AUTS2: variants seen among roughly 807,000 people sequenced by gnomAD.
The protein encoded by AUTS2 is autism susceptibility gene 2 protein.
In AUTS2, 17 loss-of-function variants were observed where a neutral mutation model predicts 112.4. That is an observed-to-expected ratio of 0.15 (90% CI 0.10 to 0.23). The LOEUF is 0.23. AUTS2 is among the 10% of genes least tolerant of loss of function. The pLI, the probability that AUTS2 is intolerant of heterozygous loss-of-function variation, is 1.00. For synonymous variants in AUTS2, 751 were observed against 702.7 expected (o/e 1.07, Z -1.09); for missense variants, 1,510 against 1,701.6 (o/e 0.89, Z 1.98).
chr7:70,774,191 C>A, intron 12 of AUTS2, 92 bp downstream of exon 12: 1 of 1,178,146 alleles, frequency 8.5e-7, no homozygotes. Context: ...TTCCTTAGCT[C>A]CTTTGAGCGA....
At chr7:70,486,303 A>C (rs1350332405) in intron 5 of AUTS2, among the ~76,000 whole-genome samples, 3 of 152,200 alleles carry the variant, frequency 2.0e-5, no homozygotes, top group Admixed American at 6.5e-5. Context: ...GGAAGTTATC[A>C]AACCTTGCTG....
intron 1 of AUTS2, among the ~76,000 whole-genome samples, chr7:69,633,876 T>C (rs1409510786): frequency 1.3e-5 from 2 of 152,170 alleles, no homozygotes; most frequent in Non-Finnish European, 1.5e-5. Flanking sequence ...TTTGCAAATA[T>C]TGTCTTCCAA....
At chr7:70,759,313 C>T (rs1293355093) in intron 6 of AUTS2, among the ~76,000 whole-genome samples, 1 of 152,132 alleles carries the variant, frequency 6.6e-6, no homozygotes, top group African/African-American at 2.4e-5. Flanking sequence ...CTTCTCTGGG[C>T]ATATTCCCTA....
At chr7:70,451,486 C>T (rs1796528440) in intron 5 of AUTS2, among the ~76,000 whole-genome samples, 2 of 151,794 alleles carry the variant, frequency 1.3e-5, no homozygotes, top group African/African-American at 4.8e-5. Flanking sequence ...GCAAAATACA[C>T]ATAACATAAA....
At chr7:70,415,657 G>T (rs999441507) in intron 4 of AUTS2, among the ~76,000 whole-genome samples, 1 of 152,152 alleles carries the variant, frequency 6.6e-6, no homozygotes, top group Non-Finnish European at 1.5e-5. Flanking sequence ...GTTGTAACAA[G>T]ATCACAGCAA....
chr7:70,187,719 GT>G (rs1352580580), intron 4 of AUTS2, among the ~76,000 whole-genome samples: 1 of 149,410 alleles, frequency 6.7e-6, no homozygotes, highest in Non-Finnish European at 1.5e-5. Context: ...CTACAAATCA[GT>G]ACATGTCATA....
At chr7:69,856,850 C>T (rs1792749980) in intron 1 of AUTS2, among the ~76,000 whole-genome samples, 1 of 152,116 alleles carries the variant, frequency 6.6e-6, no homozygotes, top group Non-Finnish European at 1.5e-5. Context: ...AGGTTCCCTC[C>T]ATGCTTGTTG....
intron 4 of AUTS2, among the ~76,000 whole-genome samples, chr7:70,174,389 C>G (rs1808873446): frequency 6.6e-6 from 1 of 152,206 alleles, no homozygotes; most frequent in Non-Finnish European, 1.5e-5. Flanking sequence ...GAACAGAAAA[C>G]TGCAGGGTGA....
At chr7:70,190,706 A>C (rs1809834815) in intron 4 of AUTS2, among the ~76,000 whole-genome samples, 1 of 152,108 alleles carries the variant, frequency 6.6e-6, no homozygotes, top group Admixed American at 6.6e-5. Flanking sequence ...CATTTTACTG[A>C]TGTTTCAATT....
chr7:70,009,183 G>A (rs1256714394), intron 2 of AUTS2, among the ~76,000 whole-genome samples: 3 of 152,220 alleles, frequency 2.0e-5, no homozygotes, highest in East Asian at 3.9e-4. Context: ...AGAGCAAGAG[G>A]AAGCAGAACT....
intron 2 of AUTS2, among the ~76,000 whole-genome samples, chr7:70,102,936 A>ATAT (rs1365061248): frequency 7.2e-5 from 11 of 152,212 alleles, no homozygotes; most frequent in African/African-American, 2.4e-4. Context: ...TGCAATTAAT[A>ATAT]TATTAAGATT....
intron 4 of AUTS2, among the ~76,000 whole-genome samples, chr7:70,389,153 G>C (rs911357795): frequency 2.0e-5 from 3 of 152,110 alleles, no homozygotes; most frequent in African/African-American, 7.2e-5. Context: ...TTTGATTTCT[G>C]TCTTTTTTTT....
intron 5 of AUTS2, among the ~76,000 whole-genome samples, chr7:70,440,578 G>A (rs775122047): frequency 6.6e-6 from 1 of 152,166 alleles, no homozygotes; most frequent in Non-Finnish European, 1.5e-5. Flanking sequence ...TTCTTCTAGA[G>A]AACCTGCTAG....
At position 69,889,845 on chromosome 7, in the gene AUTS2, T is replaced by C. The variant is rs150501134; in HGVS notation, c.310-9441T>C. 2.7e-3 allele frequency among the ~76,000 whole-genome samples: 414 copies of C among 152,248 alleles called. 4 individuals carry two copies. Among genetic ancestry groups the C allele is most frequent in the African/African-American group, 9.5e-3 (394 of 41,546 alleles). On this transcript the variant is annotated intron_variant, in intron 1 of 18. Transcript: ENST00000342771. The stretch of plus-strand genomic sequence containing the variant: ...TCTGCCCTTGGAGAGGCCTGAGAAT[T>C]GTGTGGTGCTAGTTTCTCTTCTGGC...
At chr7:70,355,176 G>A (rs918595483) in intron 4 of AUTS2, among the ~76,000 whole-genome samples, 4 of 151,666 alleles carry the variant, frequency 2.6e-5, no homozygotes, top group African/African-American at 4.8e-5. Context: ...ACGAGTTTCC[G>A]ATCCTAAACT....
chr7:70,323,475 C>T (rs1467942135), intron 4 of AUTS2, among the ~76,000 whole-genome samples: 1 of 152,058 alleles, frequency 6.6e-6, no homozygotes, highest in Non-Finnish European at 1.5e-5. Flanking sequence ...GCCACTGTAG[C>T]CAAGAGCTTT....
chr7:69,630,014 A>G (rs1341967929), intron 1 of AUTS2, among the ~76,000 whole-genome samples: 1 of 152,102 alleles, frequency 6.6e-6, no homozygotes, highest in Non-Finnish European at 1.5e-5. Flanking sequence ...TTGCATGGCA[A>G]TACCTTCTGG....
chr7:69,654,623 T>C (rs1795439419), intron 1 of AUTS2, among the ~76,000 whole-genome samples: 1 of 152,182 alleles, frequency 6.6e-6, no homozygotes, highest in African/African-American at 2.4e-5. Context: ...AGATTCAAAC[T>C]AGGCAGCCCA....
chr7:69,704,215 A>T (rs1404990543), intron 1 of AUTS2, among the ~76,000 whole-genome samples: 1 of 151,968 alleles, frequency 6.6e-6, no homozygotes, highest in Admixed American at 6.6e-5. Context: ...TGTCCATAGG[A>T]TACACTGTTT....
Sources: allele counts gnomAD v4.1 joint callset (sites outside exome capture counted in the v4.1 genomes callset), GRCh38; gene constraint gnomAD v4.1.1; transcripts MANE v1.5; gene names NCBI Gene and HGNC (gene_info 2026-07-23, HGNC 2026-07-21).